ENTREP2: variants seen among roughly 807,000 people sequenced by gnomAD.
ENTREP2 encodes protein ENTREP2.
the ENTREP2 span, among the ~76,000 whole-genome samples, chr15:29,430,928 C>T: frequency 0.023 from 3,444 of 152,196 alleles, 139 homozygotes; most frequent in African/African-American, 0.079. Flanking sequence ...GACACGGCTC[C>T]GGTGAGCTCC....
At chr15:29,479,525 C>T in the ENTREP2 span, among the ~76,000 whole-genome samples, 6 of 152,204 alleles carry the variant, frequency 3.9e-5, no homozygotes, top group Admixed American at 1.3e-4. Context: ...ACCAGCTGGA[C>T]AGCACAACTA....
the ENTREP2 span, among the ~76,000 whole-genome samples, chr15:29,651,713 A>AC: frequency 1.3e-5 from 2 of 152,206 alleles, no homozygotes; most frequent in Non-Finnish European, 2.9e-5. Flanking sequence ...CTGGGTGTAT[A>AC]CACACTCGGG....
At chr15:29,283,618 C>T in the ENTREP2 span, among the ~76,000 whole-genome samples, 4 of 152,154 alleles carry the variant, frequency 2.6e-5, no homozygotes, top group Admixed American at 6.5e-5. Context: ...CAAAACAATG[C>T]AGCACAGCAA....
At chr15:29,332,548 T>G in the ENTREP2 span, among the ~76,000 whole-genome samples, 1 of 152,164 alleles carries the variant, frequency 6.6e-6, no homozygotes, top group Non-Finnish European at 1.5e-5. Context: ...GGTGCTGGCA[T>G]GAATAAATAA....
the ENTREP2 span, among the ~76,000 whole-genome samples, chr15:29,518,111 G>C: frequency 1.3e-5 from 2 of 152,106 alleles, no homozygotes; most frequent in South Asian, 2.1e-4. Context: ...GGAGACAGAG[G>C]AAATGGGTAA....
At chr15:29,377,147 C>A in the ENTREP2 span, among the ~76,000 whole-genome samples, 1 of 152,094 alleles carries the variant, frequency 6.6e-6, no homozygotes, top group East Asian at 1.9e-4. Context: ...TTAGCACAGA[C>A]AATAAAAGCA....
At chr15:29,560,995 G>A in the ENTREP2 span, among the ~76,000 whole-genome samples, 2 of 2,466 alleles carry the variant, frequency 8.1e-4, no homozygotes, top group African/African-American at 0.016. Context: ...GCAGGGTTGA[G>A]TAGTTGCCAC....
At chr15:29,203,267 T>C in the ENTREP2 span, among the ~76,000 whole-genome samples, 2 of 152,312 alleles carry the variant, frequency 1.3e-5, no homozygotes, top group East Asian at 3.9e-4. Context: ...CCAGGCGTTT[T>C]GGCAGGTGCC....
chr15:29,365,360 C>T, the ENTREP2 span, among the ~76,000 whole-genome samples: 3 of 151,674 alleles, frequency 2.0e-5, no homozygotes, highest in African/African-American at 7.3e-5. Flanking sequence ...TCAAGAGATC[C>T]TTCCATCTCA....
chr15:29,656,714 G>A, the ENTREP2 span, among the ~76,000 whole-genome samples: 4 of 152,140 alleles, frequency 2.6e-5, no homozygotes, highest in Non-Finnish European at 4.4e-5. Context: ...TCGCAAGGAC[G>A]TGGTGCAACA....
chr15:29,198,755 T>C, the ENTREP2 span, among the ~76,000 whole-genome samples: 1 of 152,230 alleles, frequency 6.6e-6, no homozygotes, highest in East Asian at 1.9e-4. Context: ...GCTCACCACA[T>C]TCCTTACTTT....
At chr15:29,423,913 C>T in the ENTREP2 span, among the ~76,000 whole-genome samples, 2 of 152,294 alleles carry the variant, frequency 1.3e-5, no homozygotes, top group Admixed American at 1.3e-4. Context: ...TTCAGACTAT[C>T]TCAATGGGAA....
chr15:29,472,618 C>G, the ENTREP2 span, among the ~76,000 whole-genome samples: 1 of 152,098 alleles, frequency 6.6e-6, no homozygotes, highest in South Asian at 2.1e-4. Flanking sequence ...GCTCCCCCCA[C>G]CACGCCCAGC....
the ENTREP2 span, among the ~76,000 whole-genome samples, chr15:29,663,864 A>T: frequency 5.2e-4 from 79 of 152,066 alleles, no homozygotes; most frequent in Middle Eastern, 6.8e-3. Flanking sequence ...AAGTATAATT[A>T]AAAAAAATAC....
chr15:29,350,857 C>G, the ENTREP2 span, among the ~76,000 whole-genome samples: 1 of 152,166 alleles, frequency 6.6e-6, no homozygotes, highest in African/African-American at 2.4e-5. Context: ...GCAGGGCAAT[C>G]GCTTGACCCA....
At chr15:29,341,591 G>A in the ENTREP2 span, among the ~76,000 whole-genome samples, 34 of 152,286 alleles carry the variant, frequency 2.2e-4, no homozygotes, top group African/African-American at 7.9e-4. Flanking sequence ...TCCAGGTGCC[G>A]CGCAGACAGG....
chr15:29,328,452 C>G, the ENTREP2 span, among the ~76,000 whole-genome samples: 1 of 152,126 alleles, frequency 6.6e-6, no homozygotes, highest in Non-Finnish European at 1.5e-5. Flanking sequence ...GTGGGAGGAT[C>G]TCAGGATCCT....
the ENTREP2 span, chr15:29,120,657 G>T: frequency 0.084 from 12,752 of 152,406 alleles, 1,757 homozygotes; most frequent in African/African-American, 0.29. Flanking sequence ...CTCAGGGGAG[G>T]GCAGGGGATG....
chr15:29,260,548 C>T, the ENTREP2 span, among the ~76,000 whole-genome samples: 1 of 152,202 alleles, frequency 6.6e-6, no homozygotes, highest in Admixed American at 6.5e-5. Context: ...ATCATCTCAA[C>T]ACAGAAAAAC....
Sources: gnomAD v4.1 joint callset for allele counts (sites outside exome capture counted in the v4.1 genomes callset) on GRCh38, gnomAD v4.1.1 for gene constraint, MANE v1.5 for transcripts, NCBI Gene and HGNC (gene_info 2026-07-23, HGNC 2026-07-21) for gene names.